LAMA1: variants seen among roughly 807,000 people sequenced by gnomAD.
LAMA1 encodes the protein laminin subunit alpha-1.
LAMA1 carries 219 observed loss-of-function variants against 348.7 expected under a neutral mutation model. The observed-to-expected ratio is 0.63, with a 90% confidence interval of 0.56 to 0.70. The LOEUF (loss-of-function observed/expected upper bound fraction) is 0.70. Ranked by LOEUF, LAMA1 falls within the 30% of genes least tolerant of loss-of-function variation. The pLI, the probability that LAMA1 is intolerant of heterozygous loss-of-function variation, is 0.00. For missense variants in LAMA1, 3,744 were observed against 3,888.0 expected (o/e 0.96, Z 0.99); for synonymous variants, 1,487 against 1,491.0 (o/e 1.00, Z 0.06).
intron 7 of LAMA1, 74 bp downstream of exon 7, chr18:7,044,648 T>C: frequency 8.7e-7 from 1 of 1,150,086 alleles, no homozygotes; most frequent in Non-Finnish European, 1.3e-6. Context: ...ACTATAAAAG[T>C]TGTTAAGACA....
Position 6,985,329 on chromosome 18 carries a change from G to A in LAMA1, c.5568C>T (p.Val1856=), listed in dbSNP as rs2057729506. ...AKIRHHIDDL[V]MHMSQRNAVD... ...CTGCGTTCCTTTGGGACATGTGCAT[G>A]ACCAGGTCATCTATGTGGTGCCTGA... The change falls in exon 39 of 63, where the codon GTC becomes GTT. Residue 1856 remains valine, a synonymous_variant. Transcript: ENST00000389658. 3.7e-6 allele frequency: 6 copies of A among 1,614,074 alleles called. No individual in the cohort carries two copies. Among genetic ancestry groups the A allele is most frequent in the Admixed American group, 3.3e-5 (2 of 60,008 alleles).
chr18:7,076,576 T>C (rs573811185), intron 3 of LAMA1, among the ~76,000 whole-genome samples: 1 of 152,254 alleles, frequency 6.6e-6, no homozygotes, highest in African/African-American at 2.4e-5. Flanking sequence ...AATAGCATTT[T>C]TTTTAAGTGA....
At position 6,958,564 on chromosome 18, in the gene LAMA1, C is replaced by G; in HGVS notation, c.7877G>C (p.Gly2626Ala). The G allele has an allele frequency of 6.2e-7, 1 of 1,614,166 alleles. No homozygotes were observed. The highest frequency in any genetic ancestry group is 1.3e-5 in the African/African-American group (1 of 75,054). The change falls in exon 55 of 63, where the codon GGG (glycine) becomes GCG (alanine). Residue 2626 changes from glycine (G) to alanine (A), a missense_variant. Physicochemically the swap from Gly to Ala is moderately conservative, Grantham distance 60. This residue lies in a region of LAMA1 where 1,983 missense variants were observed against 1,934.3 expected (regional missense o/e 1.03). Coordinates refer to ENST00000389658, the MANE Select transcript of LAMA1 (RefSeq NM_005559.4). ...RTINVSNLYV[G>A]GIPEGEGTSL... is the part of the protein sequence containing the mutation. ...CGTCCCCTCTCCCTCTGGAATTCCC[C>G]CGACGTACAGATTGGACACATTTAT...
chr18:7,048,407 C>A (rs1478078827), intron 5 of LAMA1, among the ~76,000 whole-genome samples: 2 of 152,112 alleles, frequency 1.3e-5, no homozygotes, highest in Non-Finnish European at 2.9e-5. Flanking sequence ...AAAACGGACA[C>A]AACTACTTTT....
intron 18 of LAMA1, among the ~76,000 whole-genome samples, chr18:7,024,139 C>T (rs1278239051): frequency 1.3e-5 from 2 of 152,144 alleles, no homozygotes; most frequent in Non-Finnish European, 2.9e-5. Flanking sequence ...CCACCAAACC[C>T]GGCCTATTGT....
At chr18:7,117,513 G>T in intron 1 of LAMA1, 147 bp downstream of exon 1, 1 of 742,472 alleles carries the variant, frequency 1.3e-6, no homozygotes. Context: ...AAGCGCGGGA[G>T]ACCCACGTGG....
chr18:6,997,620 G>A, intron 33 of LAMA1, 122 bp downstream of exon 33: 2 of 1,032,792 alleles, frequency 1.9e-6, no homozygotes, highest in South Asian at 1.3e-5. Context: ...TGCCCGCAGG[G>A]GCTGATGGAA....
rs952213618 is a variant in LAMA1 at position 6,950,876 on chromosome 18, A to T, written c.8303T>A (p.Leu2768Gln). 1.9e-6 allele frequency: 3 copies of T among 1,614,218 alleles called. No individual in the cohort carries two copies. The highest frequency in any genetic ancestry group is 8.5e-7 in the Non-Finnish European group (1 of 1,180,052). ...QNQADYAVLQ[L>Q]HGGRLHFMFD... ...CATGAAGTGGAGGCGGCCCCCGTGC[A>T]GCTGGAGCACAGCGTAGTCTGCTTG... Residue 2768 changes from leucine to glutamine, a missense_variant, in exon 58 of 63, where the codon CTG becomes CAG. Transcript: ENST00000389658.
chr18:7,032,571 G>A (rs1180095438), intron 15 of LAMA1, among the ~76,000 whole-genome samples: 2 of 152,184 alleles, frequency 1.3e-5, no homozygotes, highest in Non-Finnish European at 2.9e-5. Context: ...CATGTAAGGT[G>A]GAGCCCACCA....
chr18:7,095,993 A>C (rs371398285), intron 1 of LAMA1, among the ~76,000 whole-genome samples: 1 of 152,202 alleles, frequency 6.6e-6, no homozygotes, highest in African/African-American at 2.4e-5. Context: ...GCTTGAACCT[A>C]GGAGGCGGAG....
chr18:6,946,565 A>G (rs1242670655), intron 61 of LAMA1, among the ~76,000 whole-genome samples: 1 of 152,116 alleles, frequency 6.6e-6, no homozygotes, highest in East Asian at 1.9e-4. Flanking sequence ...TAAAAAATAC[A>G]AAAATTAGCC....
intron 54 of LAMA1, 26 bp downstream of exon 54, chr18:6,959,315 C>T (rs2057595945): frequency 1.2e-6 from 2 of 1,613,996 alleles, no homozygotes; most frequent in Non-Finnish European, 1.7e-6. Flanking sequence ...ACCTTCATTA[C>T]ACACTGCCTG....
chr18:7,018,595 C>T (rs1170665588), intron 19 of LAMA1, among the ~76,000 whole-genome samples: 1 of 151,790 alleles, frequency 6.6e-6, no homozygotes, highest in Admixed American at 6.6e-5. Context: ...CAGGGTTTCA[C>T]CGTGTTAGCC....
At chr18:7,114,076 CAAAAAAA>C (rs4012960) in intron 1 of LAMA1, among the ~76,000 whole-genome samples, 1 of 115,392 alleles carries the variant, frequency 8.7e-6, no homozygotes, top group Non-Finnish European at 1.8e-5. Flanking sequence ...GACTCCGTCT[CAAAAAAA>C]AAAAAAAAAG....
Position 6,949,199 on chromosome 18 carries a change from T to C in LAMA1, c.8458A>G (p.Met2820Val), listed in dbSNP as rs1382444973. The C allele has an allele frequency of 9.3e-6, 15 of 1,614,146 alleles. 1 individual carries two copies. The highest frequency in any genetic ancestry group is 6.7e-5 in the Admixed American group (4 of 60,030). Residue 2820 changes from methionine to valine, a missense_variant, in exon 59 of 63, where the codon ATG (methionine) becomes GTG (valine). Around this residue, in one of 3 missense-constraint regions of LAMA1, gnomAD observed 1,983 missense variants for 1,934.3 expected, o/e 1.03. Transcript: ENST00000389658. ...FITVDGRESP[M>V]VTVVGDGTML... ...GTTCCATCTCCCACCACAGTCACCA[T>C]GGGAGACTCTCGGCCGTCGACAGTT...
intron 36 of LAMA1, 111 bp downstream of exon 36, chr18:6,992,450 T>A: frequency 2.5e-6 from 3 of 1,214,208 alleles, no homozygotes; most frequent in Non-Finnish European, 3.7e-6. Flanking sequence ...TCTTAGGATA[T>A]TTCATTTCCA....
intron 13 of LAMA1, among the ~76,000 whole-genome samples, chr18:7,035,782 G>A (rs1409635984): frequency 2.0e-5 from 3 of 151,768 alleles, no homozygotes; most frequent in Non-Finnish European, 4.4e-5. Flanking sequence ...GGCGGGTGCT[G>A]TCCTGAGGCA....
rs200370501 is a variant in LAMA1 at position 7,084,169 on chromosome 18, T to TA, written c.62-3713_62-3712insT. 9.3e-3 allele frequency among the ~76,000 whole-genome samples: 1,419 copies of TA among 152,088 alleles called. 29 individuals are homozygous for TA. Among genetic ancestry groups the TA allele is most frequent in the African/African-American group, 0.033 (1,360 of 41,440 alleles). ...ATGTTTTAAACAGAATTTTTATTTT[T>TA]TTTTTAGATGGGGTTTCACTCTTTT... On this transcript the variant is annotated intron_variant, in intron 1 of 62. Coordinates refer to ENST00000389658, the MANE Select transcript of LAMA1 (RefSeq NM_005559.4).
At chr18:6,990,304 C>CTGAA (rs920230321) in intron 36 of LAMA1, among the ~76,000 whole-genome samples, 3 of 152,098 alleles carry the variant, frequency 2.0e-5, no homozygotes, top group Non-Finnish European at 4.4e-5. Context: ...GGTCACTTTG[C>CTGAA]TGAATGAATG....
Sources: gnomAD v4.1 joint callset for allele counts (sites outside exome capture counted in the v4.1 genomes callset) on GRCh38, gnomAD v4.1.1 for gene constraint, gnomAD v4.1.1 regional missense constraint, MANE v1.5 for transcripts, NCBI Gene and HGNC (gene_info 2026-07-23, HGNC 2026-07-21) for gene names.